The following ZNF654 variants were observed in gnomAD, a reference collection of about 807,000 sequenced individuals.
ZNF654 encodes zinc finger protein 654.
ZNF654 carries 19 observed loss-of-function variants against 95.3 expected under a neutral mutation model. The ratio of observed to expected loss-of-function variants is 0.20; its 90% CI spans 0.14 to 0.29. The LOEUF is 0.29. ZNF654 is among the 10% of genes least tolerant of loss of function. The pLI, the probability that ZNF654 is intolerant of heterozygous loss-of-function variation, is 1.00. For synonymous variants in ZNF654, 413 were observed against 457.9 expected, an observed-to-expected ratio of 0.90 and a Z score of 1.25; for missense variants, 1,046 against 1,341.0, an observed-to-expected ratio of 0.78 and a Z score of 3.44.
At chr3:88,070,209 A>G (rs1399732886) in intron 1 of ZNF654, among the ~76,000 whole-genome samples, 2 of 152,156 alleles carry the variant, frequency 1.3e-5, no homozygotes, top group Non-Finnish European at 2.9e-5. Context: ...CTTCTGAGGA[A>G]TTATAAATTT....
At chr3:88,064,419 A>G (rs762197830) in intron 1 of ZNF654, among the ~76,000 whole-genome samples, 1 of 152,210 alleles carries the variant, frequency 6.6e-6, no homozygotes, top group Non-Finnish European at 1.5e-5. Flanking sequence ...TTTGTGTCCA[A>G]ATGTTCAGTG....
At position 88,143,459 on chromosome 3, in the gene ZNF654, T is replaced by G. The variant is rs1016610974; in HGVS notation, c.*1807T>G. On this transcript the variant is annotated 3_prime_UTR_variant, in exon 9 of 9. Transcript: ENST00000636215. ...TACTAAAAATGTAATGATTTTTATTTTAGTTCATTCTAAAAGTATGTCTTG... is the reference window on the plus strand; with the variant it reads ...TACTAAAAATGTAATGATTTTTATTGTAGTTCATTCTAAAAGTATGTCTTG... 3.3e-5 allele frequency: 5 copies of G among 152,344 alleles called. No homozygotes were observed. Among genetic ancestry groups the G allele is most frequent in the African/African-American group, 1.2e-4 (5 of 41,444 alleles). 9.4% of individuals were successfully genotyped at this position (152,344 alleles called of 1,614,324 possible).
intron 1 of ZNF654, among the ~76,000 whole-genome samples, chr3:88,059,791 C>G (rs1706745779): frequency 6.6e-6 from 1 of 152,124 alleles, no homozygotes. Context: ...TCCTGACATG[C>G]CTTCCCTACC....
chr3:88,059,879 T>C (rs1706754965), intron 1 of ZNF654, among the ~76,000 whole-genome samples: 2 of 152,124 alleles, frequency 1.3e-5, no homozygotes, highest in South Asian at 4.1e-4. Flanking sequence ...ATTTGGCACC[T>C]CTGGTAACAT....
intron 2 of ZNF654, among the ~76,000 whole-genome samples, chr3:88,109,584 T>C (rs1356287679): frequency 6.6e-6 from 1 of 152,112 alleles, no homozygotes; most frequent in Non-Finnish European, 1.5e-5. Flanking sequence ...ACTAATATGC[T>C]ACAGAAATCC....
At chr3:88,067,140 T>G (rs1329394919) in intron 1 of ZNF654, among the ~76,000 whole-genome samples, 1 of 152,232 alleles carries the variant, frequency 6.6e-6, no homozygotes, top group Non-Finnish European at 1.5e-5. Flanking sequence ...TATAAGGCAC[T>G]GGGGATACAG....
intron 3 of ZNF654, among the ~76,000 whole-genome samples, chr3:88,114,331 G>A (rs1479477029): frequency 6.6e-6 from 1 of 152,140 alleles, no homozygotes; most frequent in Non-Finnish European, 1.5e-5. Context: ...CTGATAATGG[G>A]AACCACTGAA....
intron 1 of ZNF654, among the ~76,000 whole-genome samples, chr3:88,061,421 G>A (rs1304177071): frequency 6.6e-6 from 1 of 152,028 alleles, no homozygotes; most frequent in Non-Finnish European, 1.5e-5. Context: ...CTTAATGAAC[G>A]TTTATTTTCT....
At chr3:88,083,317 G>T (rs536448410) in intron 1 of ZNF654, among the ~76,000 whole-genome samples, 1 of 152,218 alleles carries the variant, frequency 6.6e-6, no homozygotes, top group South Asian at 2.1e-4. Flanking sequence ...TTTACATTTT[G>T]ACAGTTTTGA....
In ZNF654 at chr3:88,140,783, A is replaced by C; in HGVS notation, c.3114A>C (p.Ser1038=). The change falls in exon 8 of 9, where the codon TCA becomes TCC. Residue 1038 remains serine, a synonymous_variant. Transcript: ENST00000636215. ...SKPNLTSEHT[S]YGLILTKPYV... is the part of the protein sequence containing the mutation. Reference sequence around the variant, plus strand: ...CAAATCTGACAAGTGAACATACTTCATATGGCTTAATTTTAACAAAACCAT... The same window carrying C: ...CAAATCTGACAAGTGAACATACTTCCTATGGCTTAATTTTAACAAAACCAT... The C allele has an allele frequency of 1.2e-6, 2 of 1,613,778 alleles. No homozygotes were observed. Among genetic ancestry groups the C allele is most frequent in the Non-Finnish European group, 1.7e-6 (2 of 1,179,710 alleles).
intron 4 of ZNF654, among the ~76,000 whole-genome samples, chr3:88,126,579 CTTTTT>C (rs144091813): frequency 3.7e-5 from 3 of 81,774 alleles, no homozygotes; most frequent in East Asian, 4.0e-4. Flanking sequence ...GTAGAAACAT[CTTTTT>C]TTTTTTTTTT....
rs748216732 is a variant in ZNF654, at chr3:88,139,619, CAAA to C, written c.1951_1953del (p.Lys651del). 18 of 1,613,496 alleles carry C rather than the reference CAAA, an allele frequency of 1.1e-5. No homozygotes were observed. Among genetic ancestry groups the C allele is most frequent in the African/African-American group, 5.3e-5 (4 of 74,894 alleles). The stretch of plus-strand genomic sequence containing the variant: ...CACTTACTGCTTCTAGTGAAGGAAA[CAAA>C]GAAGTCATCCCTGAGCATGTGGCTG... On this transcript the variant is annotated inframe_deletion, in exon 8 of 9. Coordinates refer to ENST00000636215, the MANE Select transcript of ZNF654 (RefSeq NM_001350134.2).
At chr3:88,100,001 G>A (rs1221700556) in intron 2 of ZNF654, among the ~76,000 whole-genome samples, 1 of 152,178 alleles carries the variant, frequency 6.6e-6, no homozygotes, top group Non-Finnish European at 1.5e-5. Context: ...AAGAGCTTCT[G>A]CACAGCAAAA....
chr3:88,115,225 T>C (rs1420064167), intron 3 of ZNF654, among the ~76,000 whole-genome samples: 4 of 152,214 alleles, frequency 2.6e-5, no homozygotes. Context: ...TGCTAGTCCC[T>C]GAACCACACT....
chr3:88,082,356 A>G (rs975626780), intron 1 of ZNF654, among the ~76,000 whole-genome samples: 17 of 152,136 alleles, frequency 1.1e-4, no homozygotes, highest in Admixed American at 5.2e-4. Context: ...CGATCTCTTG[A>G]CCTTGTGATC....
At chr3:88,060,063 A>C (rs1205557274) in intron 1 of ZNF654, among the ~76,000 whole-genome samples, 1 of 151,860 alleles carries the variant, frequency 6.6e-6, no homozygotes, top group African/African-American at 2.4e-5. Context: ...ACGCTGACCC[A>C]CGGTGATTTA....
chr3:88,095,727 TC>T (rs1704020022), intron 2 of ZNF654: 3 of 389,720 alleles, frequency 7.7e-6, no homozygotes, highest in Admixed American at 7.5e-5. Context: ...TTTTGACTTC[TC>T]CCCAGGCTTG....
intron 2 of ZNF654, among the ~76,000 whole-genome samples, chr3:88,111,649 G>A (rs1705094348): frequency 6.6e-6 from 1 of 151,924 alleles, no homozygotes; most frequent in Non-Finnish European, 1.5e-5. Flanking sequence ...CATTTGTAAT[G>A]TATATTGTTG....
Position 88,128,542 on chromosome 3 carries a change from A to AT in ZNF654, c.551-258dup, listed in dbSNP as rs201429875. ...TTAATGAACTGAAAGAAGAAAAAAA[A>AT]TTTTTTTTTAAATTTTGTTTCTGTT... On this transcript the variant is annotated intron_variant, in intron 4 of 8. Coordinates refer to ENST00000636215, the MANE Select transcript of ZNF654 (RefSeq NM_001350134.2). 7.8e-3 allele frequency among the ~76,000 whole-genome samples: 1,177 copies of AT among 151,844 alleles called. 13 individuals are homozygous for AT. The highest frequency in any genetic ancestry group is 0.026 in the African/African-American group (1,094 of 41,430).
Sources: gnomAD v4.1 joint callset for allele counts (sites outside exome capture counted in the v4.1 genomes callset) on GRCh38, gnomAD v4.1.1 for gene constraint, MANE v1.5 for transcripts, NCBI Gene and HGNC (gene_info 2026-07-23, HGNC 2026-07-21) for gene names.